RBFOX1: variants seen among roughly 807,000 people sequenced by gnomAD.
The protein encoded by RBFOX1 is RNA binding fox-1 homolog 1.
RBFOX1 carries 8 observed loss-of-function variants against 57.7 expected under a neutral mutation model. That is an observed-to-expected ratio of 0.14 (90% CI 0.08 to 0.25). RBFOX1 has a LOEUF of 0.25. RBFOX1 is among the 10% of genes least tolerant of loss of function. The pLI, the probability that RBFOX1 is intolerant of heterozygous loss-of-function variation, is 1.00. For synonymous variants in RBFOX1, 326 were observed against 222.4 expected (o/e 1.47, Z -4.15); for missense variants, 611 against 548.5 (o/e 1.11, Z -1.14).
intron 10 of RBFOX1, chr16:7,614,866 C>T (rs2141690978): frequency 6.6e-6 from 1 of 152,284 alleles, no homozygotes; most frequent in East Asian, 1.9e-4. Context: ...GGAAAGCTTA[C>T]CTCATTCGCC....
At chr16:5,532,655 A>G (rs1162298204) in intron 2 of RBFOX1, among the ~76,000 whole-genome samples, 2 of 152,264 alleles carry the variant, frequency 1.3e-5, no homozygotes, top group African/African-American at 2.4e-5. Flanking sequence ...AGATTCTAGC[A>G]GTTAACCACA....
intron 3 of RBFOX1, among the ~76,000 whole-genome samples, chr16:5,864,148 T>G (rs926946079): frequency 6.6e-6 from 1 of 152,224 alleles, no homozygotes; most frequent in Non-Finnish European, 1.5e-5. Flanking sequence ...GGTGAGGATA[T>G]GCAGTATTTG....
Position 6,825,616 on chromosome 16 carries a change from C to T in RBFOX1, c.-16+170966C>T, listed in dbSNP as rs114118163. ...TCTTCCTTTTAGAAACTGCAACATC[C>T]TCTCCCTGGGAGTGGGTATTTATTC... On this transcript the variant is annotated intron_variant, in intron 3 of 15. Transcript: ENST00000550418. 4.8e-3 allele frequency among the ~76,000 whole-genome samples: 726 copies of T among 152,236 alleles called. 7 individuals carry two copies. Among genetic ancestry groups the T allele is most frequent in the African/African-American group, 0.016 (674 of 41,538 alleles).
At chr16:6,654,552 G>T (rs1002788662) in intron 2 of RBFOX1, 51 bp from the exon 3 acceptor site, 13 of 1,403,256 alleles carry the variant, frequency 9.3e-6, no homozygotes, top group Non-Finnish European at 1.2e-5. Flanking sequence ...CTGACCATAA[G>T]TCTGACTCCT....
At position 5,804,920 on chromosome 16, in the gene RBFOX1, A is replaced by G. The variant is rs577946568; in HGVS notation, c.319-62383A>G. On this transcript the variant is annotated intron_variant, in intron 3 of 19. Transcript: ENST00000641259. The stretch of plus-strand genomic sequence containing the variant: ...ACGGCTCTTGAGAAATGTTTTTGCC[A>G]CTACCAGCATTTCTCTGACAGGTTT... 8.5e-5 allele frequency among the ~76,000 whole-genome samples: 13 copies of G among 152,292 alleles called. No homozygotes were observed. In the East Asian group the frequency reaches 2.5e-3, roughly 29 times the overall value.
intron 10 of RBFOX1, among the ~76,000 whole-genome samples, chr16:7,615,245 A>G (rs2058243218): frequency 6.6e-6 from 1 of 152,150 alleles, no homozygotes; most frequent in Non-Finnish European, 1.5e-5. Flanking sequence ...AGGCAGGAGA[A>G]TGGCGTGAAC....
At chr16:7,197,998 C>CTTTCTTTT (rs61556349) in intron 4 of RBFOX1, among the ~76,000 whole-genome samples, 16 of 55,598 alleles carry the variant, frequency 2.9e-4, no homozygotes, top group African/African-American at 4.4e-4. Context: ...TTCTTTCTTT[C>CTTTCTTTT]TTTTTTTTTT....
At chr16:5,536,904 C>T (rs1338012085) in intron 2 of RBFOX1, among the ~76,000 whole-genome samples, 1 of 152,210 alleles carries the variant, frequency 6.6e-6, no homozygotes, top group Non-Finnish European at 1.5e-5. Flanking sequence ...GGGCATCTGG[C>T]TTGCTGGAAA....
intron 3 of RBFOX1, among the ~76,000 whole-genome samples, chr16:5,846,314 A>G (rs2056757255): frequency 6.6e-6 from 1 of 151,652 alleles, no homozygotes; most frequent in African/African-American, 2.4e-5. Flanking sequence ...AGAAGAGGGC[A>G]CCCCCCTCTT....
intron 3 of RBFOX1, among the ~76,000 whole-genome samples, chr16:5,834,681 G>GAATAGGTAGATA (rs1567604004): frequency 9.8e-6 from 1 of 102,432 alleles, no homozygotes; most frequent in Non-Finnish European, 2.1e-5. Context: ...GGATTGAATG[G>GAATAGGTAGATA]GATAGGTAGA....
At chr16:7,685,196 G>C (rs1011291568) in intron 14 of RBFOX1, among the ~76,000 whole-genome samples, 4 of 151,998 alleles carry the variant, frequency 2.6e-5, no homozygotes, top group African/African-American at 4.8e-5. Context: ...GTTCTACCCC[G>C]ATATGCCATA....
At chr16:5,892,734 G>C (rs1233510399) in intron 4 of RBFOX1, among the ~76,000 whole-genome samples, 5 of 152,184 alleles carry the variant, frequency 3.3e-5, no homozygotes. Context: ...GCCTGTCCAG[G>C]GGTAGTGGGG....
At chr16:6,772,037 G>C (rs970932731) in intron 3 of RBFOX1, among the ~76,000 whole-genome samples, 1 of 152,134 alleles carries the variant, frequency 6.6e-6, no homozygotes, top group African/African-American at 2.4e-5. Context: ...TGCTAAGTAT[G>C]CTCTAGGAAA....
intron 4 of RBFOX1, among the ~76,000 whole-genome samples, chr16:7,485,846 A>G (rs35434925): frequency 0.12 from 18,229 of 152,242 alleles, 1,161 homozygotes; most frequent in African/African-American, 0.16. Context: ...CTTAACAGCA[A>G]GTGTCGGTCT....
At chr16:6,593,930 A>C (rs923121320) in intron 2 of RBFOX1, among the ~76,000 whole-genome samples, 3 of 152,090 alleles carry the variant, frequency 2.0e-5, no homozygotes, top group African/African-American at 4.8e-5. Context: ...TGTAGACTCC[A>C]CCCCAATGCT....
intron 4 of RBFOX1, among the ~76,000 whole-genome samples, chr16:7,171,398 C>T (rs968409917): frequency 2.6e-5 from 4 of 152,272 alleles, no homozygotes; most frequent in Admixed American, 6.5e-5. Flanking sequence ...TTCCTGCCAC[C>T]GCTAATGTCA....
chr16:7,174,811 A>G (rs1017923012), intron 4 of RBFOX1, among the ~76,000 whole-genome samples: 3 of 152,162 alleles, frequency 2.0e-5, no homozygotes, highest in Non-Finnish European at 2.9e-5. Flanking sequence ...CAAACAAACC[A>G]TTAAAGTATT....
chr16:5,573,815 G>A (rs1019523246), intron 2 of RBFOX1, among the ~76,000 whole-genome samples: 1 of 152,164 alleles, frequency 6.6e-6, no homozygotes, highest in Admixed American at 6.5e-5. Flanking sequence ...TAGGCTGGGT[G>A]TGGTGGCGTG....
rs2795542 is a variant in RBFOX1 at position 6,424,620 on chromosome 16, C to T, written c.-64+107563C>T. 2.2e-3 allele frequency among the ~76,000 whole-genome samples: 334 copies of T among 150,664 alleles called. 1 individual carries two copies. Among genetic ancestry groups the T allele is most frequent in the African/African-American group, 7.1e-3 (292 of 41,000 alleles). ...CTTAAGAGCACTGTGTGTGTGTGTGCGTGTGTGTGAACGTGGGGAGATAAT... is the reference window on the plus strand; with the variant it reads ...CTTAAGAGCACTGTGTGTGTGTGTGTGTGTGTGTGAACGTGGGGAGATAAT... On this transcript the variant is annotated intron_variant, in intron 2 of 15. Transcript: ENST00000550418.
Sources: allele counts gnomAD v4.1 joint callset (sites outside exome capture counted in the v4.1 genomes callset), GRCh38; gene constraint gnomAD v4.1.1; transcripts MANE v1.5; gene names NCBI Gene and HGNC (gene_info 2026-07-23, HGNC 2026-07-21).